ICA1L: variants seen among roughly 807,000 people sequenced by gnomAD.
ICA1L encodes the protein islet cell autoantigen 1 like.
In ICA1L, 50 loss-of-function variants were observed where a neutral mutation model predicts 61.3. The observed-to-expected ratio is 0.82, with a 90% CI of 0.65 to 1.03. The LOEUF (loss-of-function observed/expected upper bound fraction) is 1.03. Among genes scored for constraint, ICA1L ranks in the 50% least tolerant of loss-of-function variants. The pLI, the probability that ICA1L is intolerant of heterozygous loss-of-function variation, is 0.00. For synonymous variants in ICA1L, 161 were observed against 191.3 expected (o/e 0.84, Z 1.31); for missense variants, 508 against 556.7 (o/e 0.91, Z 0.88).
intron 2 of ICA1L, among the ~76,000 whole-genome samples, chr2:202,828,063 G>A (rs924652718): frequency 6.6e-6 from 1 of 151,962 alleles, no homozygotes; most frequent in South Asian, 2.1e-4. Context: ...TCAGGAGTTC[G>A]AGACCAGCCT....
At chr2:202,794,067 TGGA>T in intron 10 of ICA1L, among the ~76,000 whole-genome samples, 1 of 151,400 alleles carries the variant, frequency 6.6e-6, no homozygotes, top group East Asian at 1.9e-4. Flanking sequence ...GACTTACAAC[TGGA>T]ATGCAAACAT....
chr2:202,842,503 TCTC>T lies in ICA1L; in HGVS notation c.-7-13490_-7-13488del, dbSNP rs1443842599. 2.0e-5 allele frequency among the ~76,000 whole-genome samples: 3 copies of T among 152,220 alleles called. No homozygotes were observed. The East Asian group carries it at 5.8e-4, about 29-fold the overall frequency. On this transcript the variant is annotated intron_variant, in intron 1 of 12. Coordinates refer to ENST00000358299, the MANE Select transcript of ICA1L (RefSeq NM_001288622.3). ...CCCACTCTCTACTGGCCTGTAGGTT[TCTC>T]CTGAGAATCCACTTCTAGCCTTATT...
chr2:202,833,563 C>T (rs978485069), intron 1 of ICA1L, among the ~76,000 whole-genome samples: 5 of 151,514 alleles, frequency 3.3e-5, no homozygotes, highest in African/African-American at 7.3e-5. Flanking sequence ...CCAGCCTGGG[C>T]GACAGAGTGA....
At chr2:202,796,138 GAATTCAAGACCTA>G (rs1310652434) in intron 10 of ICA1L, among the ~76,000 whole-genome samples, 5 of 149,882 alleles carry the variant, frequency 3.3e-5, no homozygotes, top group Non-Finnish European at 3.0e-5. Context: ...AACTTCAAAT[GAATTCAAGACCTA>G]AATGTAAAAA....
intron 1 of ICA1L, among the ~76,000 whole-genome samples, chr2:202,836,944 C>T (rs1171684433): frequency 6.6e-6 from 1 of 151,932 alleles, no homozygotes; most frequent in Non-Finnish European, 1.5e-5. Context: ...CGGGTTCAAG[C>T]AATTCTCCTG....
In ICA1L at chr2:202,778,663, A is replaced by G. The variant is rs1285489881; in HGVS notation, c.*870T>C. 6.6e-6 allele frequency: 1 copy of G among 152,578 alleles called. No homozygotes were observed. The highest frequency in any genetic ancestry group is 6.5e-5 in the Admixed American group (1 of 15,272). The allele number at this position is 152,578 out of a possible 1,614,324, so 9.5% of individuals were successfully genotyped here. A position where few individuals can be genotyped will look rare whatever the true frequency, so the allele number is the denominator to read the frequency against. ...GAATACTATTGCCAGTTGCTTAGGG[A>G]ATATTCTCCCCTCATTTTATTTTCA... On this transcript the variant is annotated 3_prime_UTR_variant, in exon 13 of 13. Coordinates refer to ENST00000358299, the MANE Select transcript of ICA1L (RefSeq NM_001288622.3).
chr2:202,829,103 C>T, intron 1 of ICA1L, 87 bp from the exon 2 acceptor site: 1 of 1,105,480 alleles, frequency 9.0e-7, no homozygotes, highest in Non-Finnish European at 1.3e-6. Context: ...AATTCCACAA[C>T]TTTGGGAGGC....
At chr2:202,867,585 C>A (rs1687553490) in intron 1 of ICA1L, among the ~76,000 whole-genome samples, 1 of 152,158 alleles carries the variant, frequency 6.6e-6, no homozygotes. Flanking sequence ...CACCTTTATG[C>A]AGTATATGAC....
At chr2:202,832,753 T>G (rs779245606) in intron 1 of ICA1L, among the ~76,000 whole-genome samples, 38 of 152,240 alleles carry the variant, frequency 2.5e-4, no homozygotes, top group Admixed American at 1.9e-3. Flanking sequence ...CACTCCTGCC[T>G]GGGTGACAGA....
intron 1 of ICA1L, among the ~76,000 whole-genome samples, chr2:202,863,454 T>C (rs1014635164): frequency 9.2e-5 from 14 of 151,788 alleles, no homozygotes; most frequent in African/African-American, 2.9e-4. Context: ...ATGAGTTGAT[T>C]TGAAAAAATT....
intron 6 of ICA1L, among the ~76,000 whole-genome samples, chr2:202,816,985 G>A (rs910942735): frequency 3.3e-5 from 5 of 152,114 alleles, no homozygotes; most frequent in Non-Finnish European, 5.9e-5. Context: ...CAACATTGCC[G>A]TTCACTTTAA....
chr2:202,773,793 G>C lies in ICA1L; in HGVS notation c.*5740C>G. On this transcript the variant is annotated 3_prime_UTR_variant, in exon 13 of 13. Transcript: ENST00000358299. Reference sequence around the variant, plus strand: ...GAATACATACACCGGTATGGTAATAGGCAAGAGCAGGCTGTAAAAGCAAAG... The same window carrying C: ...GAATACATACACCGGTATGGTAATACGCAAGAGCAGGCTGTAAAAGCAAAG... 1 of 1,390,980 alleles carries C rather than the reference G, an allele frequency of 7.2e-7. No individual in the cohort carries two copies. Among genetic ancestry groups the C allele is most frequent in the Admixed American group, 1.7e-5 (1 of 59,310 alleles). The allele number at this position is 1,390,980 out of a possible 1,614,324, so 86.2% of individuals were successfully genotyped here.
rs184837956 is a variant in ICA1L, at chr2:202,808,950, A to G, written c.910+2796T>C. Among the ~76,000 whole-genome samples the G allele has an allele frequency of 2.8e-3, 422 of 152,328 alleles. 4 individuals carry two copies. The highest frequency in any genetic ancestry group is 4.2e-3 in the Non-Finnish European group (285 of 68,032). The stretch of plus-strand genomic sequence containing the variant: ...CAAACAAGCCCAGACTACAAAGACT[A>G]TAATAAATACGTAACTCTTCAATGC... On this transcript the variant is annotated intron_variant, in intron 9 of 12. Coordinates refer to ENST00000358299, the MANE Select transcript of ICA1L (RefSeq NM_001288622.3).
At chr2:202,838,055 T>C (rs1214843805) in intron 1 of ICA1L, among the ~76,000 whole-genome samples, 1 of 152,056 alleles carries the variant, frequency 6.6e-6, no homozygotes, top group Non-Finnish European at 1.5e-5. Flanking sequence ...GGTTTCACCA[T>C]GTTGGCCAGG....
chr2:202,864,625 A>ATGTGTGTGTGTGTGTGTGTGTG (rs1238682382), intron 1 of ICA1L, among the ~76,000 whole-genome samples: 1 of 135,320 alleles, frequency 7.4e-6, no homozygotes, highest in African/African-American at 2.6e-5. Flanking sequence ...GTGTATATAT[A>ATGTGTGTGTGTGTGTGTGTGTG]TATGTGTGTG....
rs746221195 is a variant in ICA1L, at chr2:202,785,979, A to G, written c.1272T>C (p.Leu424=). The change falls in exon 12 of 13, where the codon CTT becomes CTC. Residue 424 remains leucine, a synonymous_variant. Transcript: ENST00000358299. ...GCTGGTTATCAGTGTGTGAAAGACA[A>G]AGTTCTGATTCCTCTTGGGAGACCC... ...NNWVSQEESE[L]CLSHTDNQPV... 1.6e-5 allele frequency: 26 copies of G among 1,609,654 alleles called. No homozygotes were observed. The highest frequency in any genetic ancestry group is 2.2e-5 in the Non-Finnish European group (26 of 1,176,640).
Position 202,809,663 on chromosome 2 carries a change from A to T in ICA1L, c.910+2083T>A, listed in dbSNP as rs548087264. Among the ~76,000 whole-genome samples the T allele has an allele frequency of 2.6e-5, 4 of 151,944 alleles. No individual in the cohort carries two copies. In the South Asian group the frequency reaches 8.3e-4, roughly 32 times the overall value. Reference sequence around the variant, plus strand: ...GAAACTCCATCTCAAAAAAAAAAAAATTAGCTGGGCGTGGTGGCAGACGCC... The same window carrying T: ...GAAACTCCATCTCAAAAAAAAAAAATTTAGCTGGGCGTGGTGGCAGACGCC... On this transcript the variant is annotated intron_variant, in intron 9 of 12. Transcript: ENST00000358299.
chr2:202,836,216 CTG>C (rs1694144801), intron 1 of ICA1L, among the ~76,000 whole-genome samples: 1 of 152,162 alleles, frequency 6.6e-6, no homozygotes, highest in Non-Finnish European at 1.5e-5. Context: ...TTGAGTGTTT[CTG>C]TCATGAAAGG....
At chr2:202,786,923 G>A (rs989611761) in intron 11 of ICA1L, 1 of 346,904 alleles carries the variant, frequency 2.9e-6, no homozygotes, top group Non-Finnish European at 5.6e-6. Flanking sequence ...AACCATTTAT[G>A]CTATGATTAA....
Sources: allele counts gnomAD v4.1 joint callset (sites outside exome capture counted in the v4.1 genomes callset), GRCh38; gene constraint gnomAD v4.1.1; transcripts MANE v1.5; gene names NCBI Gene and HGNC (gene_info 2026-07-23, HGNC 2026-07-21).